DISP1: variants seen among roughly 807,000 people sequenced by gnomAD.
DISP1 encodes protein dispatched homolog 1.
A neutral mutation model predicts 37.3 loss-of-function variants in DISP1; 30 were observed. That is an observed-to-expected ratio of 0.80 (90% confidence interval 0.60 to 1.09). The LOEUF (loss-of-function observed/expected upper bound fraction) is 1.09, where lower values mean the gene tolerates loss of function less well. Ranked by LOEUF, DISP1 falls within the 50% of genes least tolerant of loss-of-function variation. The pLI is 0.00. For synonymous variants in DISP1, 634 were observed against 690.2 expected (o/e 0.92, Z 1.28); for missense variants, 1,598 against 1,879.5 (o/e 0.85, Z 2.77).
intron 1 of DISP1, among the ~76,000 whole-genome samples, chr1:222,875,789 T>C (rs1290708289): frequency 6.7e-6 from 1 of 149,744 alleles, no homozygotes; most frequent in Non-Finnish European, 1.5e-5. Context: ...ATTGTGCCAT[T>C]GCACTCCAGA....
At chr1:222,956,855 T>G (rs987996013) in intron 3 of DISP1, among the ~76,000 whole-genome samples, 3 of 152,126 alleles carry the variant, frequency 2.0e-5, no homozygotes, top group Admixed American at 2.0e-4. Flanking sequence ...TTAAGAAAAC[T>G]ATATATTATA....
intron 1 of DISP1, among the ~76,000 whole-genome samples, chr1:222,913,695 C>T (rs956641829): frequency 6.6e-6 from 1 of 150,942 alleles, no homozygotes; most frequent in Non-Finnish European, 1.5e-5. Flanking sequence ...TCTCTTGAGA[C>T]TAGGAGTTTG....
chr1:222,916,584 C>G (rs186424066), intron 1 of DISP1, among the ~76,000 whole-genome samples: 6 of 152,126 alleles, frequency 3.9e-5, no homozygotes, highest in East Asian at 3.9e-4. Flanking sequence ...GTTAGGATAC[C>G]CTTTTGCCTT....
chr1:222,917,293 G>A (rs1028982867), intron 1 of DISP1, among the ~76,000 whole-genome samples: 1 of 152,184 alleles, frequency 6.6e-6, no homozygotes, highest in South Asian at 2.1e-4. Flanking sequence ...ACTGCGGCAA[G>A]TGGCACCCAA....
intron 1 of DISP1, among the ~76,000 whole-genome samples, chr1:222,915,990 T>G (rs1199844401): frequency 6.6e-6 from 1 of 152,204 alleles, no homozygotes; most frequent in East Asian, 1.9e-4. Context: ...GTCATGGCAA[T>G]TTTCATTATA....
rs768823616 is a variant in DISP1 at position 223,005,735 on chromosome 1, G to A, written c.4338G>A (p.Thr1446=). 22 of 1,614,070 alleles carry A rather than the reference G, an allele frequency of 1.4e-5. No homozygotes were observed. Among genetic ancestry groups the A allele is most frequent in the East Asian group, 8.9e-5 (4 of 44,864 alleles). Residue 1446 remains threonine (T), a synonymous_variant, in exon 9 of 9, where the codon ACG becomes ACA. Transcript: ENST00000675850. Reference sequence around the variant, plus strand: ...AAGTGGAGCTGAGCTTGTCACAGACGGATGCAAGTGTGAACTCAGAACATT... The same window carrying A: ...AAGTGGAGCTGAGCTTGTCACAGACAGATGCAAGTGTGAACTCAGAACATT... The part of the protein sequence containing the change: ...GGKVELSLSQ[T]DASVNSEHFN...
Position 223,005,215 on chromosome 1 carries a change from G to A in DISP1, c.3818G>A (p.Cys1273Tyr). 2 of 1,614,116 alleles carry A rather than the reference G, an allele frequency of 1.2e-6. No homozygotes were observed. The highest frequency in any genetic ancestry group is 2.7e-5 in the African/African-American group (2 of 75,042). The change falls in exon 9 of 9, where the codon TGC becomes TAC. Residue 1273 changes from cysteine to tyrosine, a missense_variant. Cys to Tyr is a radical substitution (Grantham distance 194). Transcript: ENST00000675850. The stretch of plus-strand genomic sequence containing the variant: ...TTCTCTCTGAATCAGAGATGTAGCT[G>A]CCCAGATGCCTACAAACACTTGAAC... ...HFFSLNQRCS[C>Y]PDAYKHLNYG... is the part of the protein sequence containing the mutation.
intron 1 of DISP1, among the ~76,000 whole-genome samples, chr1:222,911,559 C>T (rs1480296918): frequency 6.6e-6 from 1 of 151,860 alleles, no homozygotes; most frequent in Non-Finnish European, 1.5e-5. Context: ...GGCTGGATTG[C>T]AGTGGTGCAG....
At chr1:222,883,403 A>G (rs1281583868) in intron 1 of DISP1, among the ~76,000 whole-genome samples, 1 of 152,154 alleles carries the variant, frequency 6.6e-6, no homozygotes, top group Admixed American at 6.5e-5. Flanking sequence ...TCTGATCACG[A>G]GGTCAGGAGT....
intron 1 of DISP1, among the ~76,000 whole-genome samples, chr1:222,815,437 A>G (rs1181897523): frequency 2.0e-5 from 3 of 151,930 alleles, no homozygotes; most frequent in African/African-American, 2.4e-5. Context: ...GACTGAGAGG[A>G]TGGCAGGAGA....
chr1:222,828,699 CCACCAGGAATAT>C (rs1324429408), intron 1 of DISP1, among the ~76,000 whole-genome samples: 16 of 152,158 alleles, frequency 1.1e-4, no homozygotes, highest in Admixed American at 1.0e-3. Context: ...CAGGTTCATT[CCACCAGGAATAT>C]GTAGATTCCC....
At chr1:222,925,623 G>C (rs998154285) in intron 1 of DISP1, among the ~76,000 whole-genome samples, 4 of 152,016 alleles carry the variant, frequency 2.6e-5, no homozygotes, top group African/African-American at 4.8e-5. Context: ...GATTGGCTCT[G>C]TTTTAGGTGA....
intron 1 of DISP1, among the ~76,000 whole-genome samples, chr1:222,819,538 C>T (rs111886386): frequency 9.3e-5 from 11 of 118,284 alleles, no homozygotes; most frequent in African/African-American, 3.1e-4. Context: ...ACACACATAT[C>T]TTTTTTTTTT....
At chr1:222,832,809 T>TAATATGAGTTCATATTAGTGTAG (rs1558282541) in intron 1 of DISP1, among the ~76,000 whole-genome samples, 2 of 152,046 alleles carry the variant, frequency 1.3e-5, no homozygotes, top group African/African-American at 4.8e-5. Context: ...GACATGAGAC[T>TAATATGAGTTCATATTAGTGTAG]CACTTGAACC....
At chr1:222,986,096 G>C (rs1678254716) in intron 4 of DISP1, among the ~76,000 whole-genome samples, 1 of 152,066 alleles carries the variant, frequency 6.6e-6, no homozygotes, top group South Asian at 2.1e-4. Flanking sequence ...GGTCAAGGAA[G>C]GTAAAAACCA....
At chr1:222,858,760 T>A (rs761915693) in intron 1 of DISP1, among the ~76,000 whole-genome samples, 1 of 152,150 alleles carries the variant, frequency 6.6e-6, no homozygotes, top group Non-Finnish European at 1.5e-5. Context: ...ATTAGAGGAA[T>A]GCAAATCAAA....
At chr1:222,964,591 G>A (rs968732182) in intron 3 of DISP1, among the ~76,000 whole-genome samples, 11 of 152,184 alleles carry the variant, frequency 7.2e-5, no homozygotes. Flanking sequence ...AATCGTGAGG[G>A]TATAGGTGAT....
chr1:222,994,729 A>G (rs1208136230), intron 7 of DISP1, among the ~76,000 whole-genome samples, 156 bp from the exon 8 acceptor site: 2 of 151,390 alleles, frequency 1.3e-5, no homozygotes, highest in Non-Finnish European at 2.9e-5. Flanking sequence ...TTCTTTTAAC[A>G]TTTTCTCCTG....
At chr1:222,918,813 C>T (rs1295826149) in intron 1 of DISP1, among the ~76,000 whole-genome samples, 1 of 152,140 alleles carries the variant, frequency 6.6e-6, no homozygotes, top group African/African-American at 2.4e-5. Flanking sequence ...AAAGTTTTAC[C>T]CCGGGGTAAT....
Sources: gnomAD v4.1 joint callset for allele counts (sites outside exome capture counted in the v4.1 genomes callset) on GRCh38, gnomAD v4.1.1 for gene constraint, MANE v1.5 for transcripts, NCBI Gene and HGNC (gene_info 2026-07-23, HGNC 2026-07-21) for gene names.